The following TNKS variants were observed in gnomAD, a reference collection of about 807,000 sequenced individuals.
The protein encoded by TNKS is poly [ADP-ribose] polymerase tankyrase-1.
A neutral mutation model predicts 135.8 loss-of-function variants in TNKS; 72 were observed. The observed-to-expected ratio is 0.53, with a 90% CI of 0.44 to 0.64. The LOEUF is 0.64. Among genes scored for constraint, TNKS ranks in the 30% least tolerant of loss-of-function variants. The pLI, the probability that TNKS is intolerant of heterozygous loss-of-function variation, is 0.00. For synonymous variants in TNKS, 849 were observed against 649.3 expected (o/e 1.31, Z -4.68); for missense variants, 1,769 against 1,674.0 (o/e 1.06, Z -0.99).
At chr8:9,630,075 G>T (rs749088111) in intron 3 of TNKS, among the ~76,000 whole-genome samples, 4 of 152,134 alleles carry the variant, frequency 2.6e-5, no homozygotes, top group Non-Finnish European at 4.4e-5. Flanking sequence ...ATCTAGTCCA[G>T]CCACCAGTCA....
intron 5 of TNKS, among the ~76,000 whole-genome samples, chr8:9,703,226 G>A (rs1028918144): frequency 3.3e-5 from 5 of 152,116 alleles, no homozygotes; most frequent in African/African-American, 1.2e-4. Context: ...TATGCTGGAG[G>A]AAGGGATGAT....
At position 9,621,502 on chromosome 8, in the gene TNKS, C is replaced by T. The variant is rs192458189; in HGVS notation, c.994+5825C>T. The stretch of plus-strand genomic sequence containing the variant: ...TGTATTTTTAGTAGAGATGGGGTTT[C>T]ACTATGTTGGTCAGGCTAGTCTCGA... On this transcript the variant is annotated intron_variant, in intron 3 of 26. Transcript: ENST00000310430. Among the ~76,000 whole-genome samples, 35 of 152,188 alleles carry T rather than the reference C, an allele frequency of 2.3e-4. No individual in the cohort carries two copies. In the East Asian group the frequency reaches 6.8e-3, roughly 29 times the overall value.
At chr8:9,706,773 A>G (rs1478555497) in intron 7 of TNKS, 38 bp from the exon 8 acceptor site, 8 of 1,554,858 alleles carry the variant, frequency 5.1e-6, no homozygotes, top group Non-Finnish European at 6.9e-6. Flanking sequence ...ATCCAGCAAA[A>G]TGATTACTGA....
At chr8:9,629,829 C>T (rs138731561) in intron 3 of TNKS, among the ~76,000 whole-genome samples, 11,329 of 152,150 alleles carry the variant, frequency 0.074, 451 homozygotes, top group South Asian at 0.16. Flanking sequence ...ACTACAGGCA[C>T]CCACCACCAT....
At position 9,562,279 on chromosome 8, in the gene TNKS, C is replaced by G. The variant is rs186706413; in HGVS notation, c.673+5667C>G. Among the ~76,000 whole-genome samples the G allele has an allele frequency of 2.0e-5, 3 of 151,964 alleles. No homozygotes were observed. The East Asian group carries it at 5.8e-4, about 29-fold the overall frequency. ...AAATGTGCTAATATTTTCTCCCAGG[C>G]TATGAATTACTGATTAATTTTCTTA... On this transcript the variant is annotated intron_variant, in intron 1 of 26. Coordinates refer to ENST00000310430, the MANE Select transcript of TNKS (RefSeq NM_003747.3).
chr8:9,763,040 A>C, intron 21 of TNKS, 107 bp from the exon 22 acceptor site: 1 of 498,610 alleles, frequency 2.0e-6, no homozygotes, highest in Admixed American at 4.2e-5. Context: ...GGTTTGTTCC[A>C]AAACCTCAAT....
chr8:9,637,236 T>G (rs1012851380), intron 3 of TNKS, among the ~76,000 whole-genome samples: 3 of 152,208 alleles, frequency 2.0e-5, no homozygotes, highest in Non-Finnish European at 2.9e-5. Context: ...AGACTGTCCA[T>G]TGATTTGTGG....
chr8:9,759,421 G>C (rs1253656116), intron 20 of TNKS, among the ~76,000 whole-genome samples: 1 of 152,228 alleles, frequency 6.6e-6, no homozygotes, highest in African/African-American at 2.4e-5. Context: ...ATGCCAGGAG[G>C]TAGGAGAGCA....
At chr8:9,758,264 C>G (rs1265042649) in intron 20 of TNKS, among the ~76,000 whole-genome samples, 1 of 152,058 alleles carries the variant, frequency 6.6e-6, no homozygotes, top group Admixed American at 6.6e-5. Context: ...GATGGAATTG[C>G]AAGAATAATG....
chr8:9,613,549 T>C (rs960306206), intron 2 of TNKS, among the ~76,000 whole-genome samples: 4 of 152,234 alleles, frequency 2.6e-5, no homozygotes, highest in African/African-American at 9.6e-5. Flanking sequence ...TGAATTTTGT[T>C]ATCAGCATCT....
chr8:9,571,423 T>G (rs1797753180), intron 1 of TNKS, among the ~76,000 whole-genome samples: 1 of 152,192 alleles, frequency 6.6e-6, no homozygotes, highest in South Asian at 2.1e-4. Context: ...TCTGCTTATC[T>G]TCATGATTTC....
intron 3 of TNKS, among the ~76,000 whole-genome samples, chr8:9,620,773 C>T (rs1017996333): frequency 5.9e-5 from 9 of 152,238 alleles, no homozygotes; most frequent in Admixed American, 4.6e-4. Flanking sequence ...TCCTCAAAGA[C>T]GGCTTCTTGT....
intron 5 of TNKS, among the ~76,000 whole-genome samples, chr8:9,691,194 A>G (rs948409033): frequency 5.9e-5 from 9 of 152,372 alleles, no homozygotes; most frequent in Non-Finnish European, 1.0e-4. Flanking sequence ...ACTGTCTGTT[A>G]GAGATATCTA....
intron 2 of TNKS, among the ~76,000 whole-genome samples, chr8:9,580,791 G>A (rs537550447): frequency 2.0e-5 from 3 of 152,104 alleles, no homozygotes; most frequent in Admixed American, 6.6e-5. Context: ...TAGTCCCCCC[G>A]CTTATATGGG....
intron 3 of TNKS, among the ~76,000 whole-genome samples, chr8:9,669,479 A>G (rs887799275): frequency 2.0e-5 from 3 of 151,818 alleles, no homozygotes; most frequent in African/African-American, 7.2e-5. Context: ...AAGGCATTGT[A>G]TGGATTATAA....
At chr8:9,556,737 C>T (rs1330806474) in intron 1 of TNKS, 125 bp downstream of exon 1, 2 of 1,078,398 alleles carry the variant, frequency 1.9e-6, no homozygotes, top group South Asian at 3.0e-5. Flanking sequence ...CATCACCTCA[C>T]CAGAAGACTG....
chr8:9,602,177 G>A (rs960874428), intron 2 of TNKS, among the ~76,000 whole-genome samples: 1 of 152,146 alleles, frequency 6.6e-6, no homozygotes, highest in African/African-American at 2.4e-5. Context: ...CAGACAAGCC[G>A]TGGCAAAAGC....
At chr8:9,740,055 TAAAAAAAAAAAAAAA>T (rs58285747) in intron 17 of TNKS, among the ~76,000 whole-genome samples, 1 of 87,448 alleles carries the variant, frequency 1.1e-5, no homozygotes, top group African/African-American at 4.4e-5. Flanking sequence ...TAGAGTATAA[TAAAAAAAAAAAAAAA>T]AAAAAAAAAA....
At chr8:9,656,680 C>T (rs1292839373) in intron 3 of TNKS, among the ~76,000 whole-genome samples, 1 of 146,808 alleles carries the variant, frequency 6.8e-6, no homozygotes, top group African/African-American at 2.5e-5. Context: ...GGGGATTTGG[C>T]AGGGTCATGG....
Sources: gnomAD v4.1 joint callset for allele counts (sites outside exome capture counted in the v4.1 genomes callset) on GRCh38, gnomAD v4.1.1 for gene constraint, MANE v1.5 for transcripts, NCBI Gene and HGNC (gene_info 2026-07-23, HGNC 2026-07-21) for gene names.